FGF10: variants seen among roughly 807,000 people sequenced by gnomAD.
The protein encoded by FGF10 is FGF-10.
In FGF10, 2 loss-of-function variants were observed where a neutral mutation model predicts 19.8. That is an observed-to-expected ratio of 0.10 (90% confidence interval 0.04 to 0.32). The LOEUF is 0.32. FGF10 is among the 10% of genes least tolerant of loss of function. The pLI is 1.00. For missense variants in FGF10, 191 were observed against 246.3 expected (o/e 0.78, Z 1.50); for synonymous variants, 112 against 94.0 (o/e 1.19, Z -1.10).
At chr5:44,383,666 G>A (rs1471371806) in intron 1 of FGF10, among the ~76,000 whole-genome samples, 1 of 152,004 alleles carries the variant, frequency 6.6e-6, no homozygotes, top group African/African-American at 2.4e-5. Context: ...TCAAAGTGGA[G>A]GGTCCATATG....
chr5:44,316,260 G>A (rs1480896100), intron 1 of FGF10, among the ~76,000 whole-genome samples: 2 of 152,084 alleles, frequency 1.3e-5, no homozygotes, highest in Non-Finnish European at 2.9e-5. Flanking sequence ...TGTCTTCCAC[G>A]AAACCAGTCT....
chr5:44,389,123 AT>A lies in FGF10; in HGVS notation c.-442del. 2.8e-5 allele frequency: 8 copies of A among 287,816 alleles called. No homozygotes were observed. The highest frequency in any genetic ancestry group is 1.9e-4 in the South Asian group (5 of 26,424). The allele number at this position is 287,816 out of a possible 1,614,324, so 17.8% of individuals were successfully genotyped here. ...GGTGGGGTGGGGAATAGGGGGAGATATCTGCACCCCTCTGCGGTTGGCACCT... is the reference window on the plus strand; with the variant it reads ...GGTGGGGTGGGGAATAGGGGGAGATACTGCACCCCTCTGCGGTTGGCACCT... On this transcript the variant is annotated 5_prime_UTR_variant, in exon 1 of 3. Transcript: ENST00000264664.
At position 44,388,765 on chromosome 5, in the gene FGF10, G is replaced by C. The variant is rs1325416698; in HGVS notation, c.-83C>G. ...TAAGACCCGATGCAAGGCAAGGAGA[G>C]AGCTCGAGGTGGTGGCTGCTGGTTA... On this transcript the variant is annotated 5_prime_UTR_variant, in exon 1 of 3. Transcript: ENST00000264664. 3 of 1,441,410 alleles carry C rather than the reference G, an allele frequency of 2.1e-6. No individual in the cohort carries two copies. The highest frequency in any genetic ancestry group is 1.8e-5 in the Admixed American group (1 of 55,102). 89.3% of individuals were successfully genotyped at this position (1,441,410 alleles called of 1,614,324 possible).
chr5:44,331,250 T>C (rs1443315856), intron 1 of FGF10, among the ~76,000 whole-genome samples: 8 of 152,162 alleles, frequency 5.3e-5, no homozygotes, highest in Non-Finnish European at 1.2e-4. Context: ...AGCTCCTTTT[T>C]TCTGGGGCCA....
At chr5:44,349,451 T>G (rs866497882) in intron 1 of FGF10, among the ~76,000 whole-genome samples, 1 of 16,694 alleles carries the variant, frequency 6.0e-5, no homozygotes, top group African/African-American at 1.5e-4. Context: ...TATATATATA[T>G]ATATATATAT....
At chr5:44,311,368 C>A (rs1241229211) in intron 1 of FGF10, among the ~76,000 whole-genome samples, 1 of 151,988 alleles carries the variant, frequency 6.6e-6, no homozygotes, top group African/African-American at 2.4e-5. Context: ...TTTAAGAAGA[C>A]CTAGGGAACT....
At chr5:44,328,331 A>G (rs899343761) in intron 1 of FGF10, among the ~76,000 whole-genome samples, 14 of 152,214 alleles carry the variant, frequency 9.2e-5, no homozygotes, top group Admixed American at 5.2e-4. Context: ...ACATAAAAAC[A>G]TATAACCAGT....
intron 2 of FGF10, among the ~76,000 whole-genome samples, chr5:44,310,075 C>T (rs1740173485): frequency 6.6e-6 from 1 of 152,122 alleles, no homozygotes; most frequent in African/African-American, 2.4e-5. Context: ...ACATGGGTTT[C>T]TACTCAATTC....
At chr5:44,344,500 T>C (rs1741038331) in intron 1 of FGF10, among the ~76,000 whole-genome samples, 1 of 151,274 alleles carries the variant, frequency 6.6e-6, no homozygotes, top group Admixed American at 6.6e-5. Flanking sequence ...AGATGAGTTA[T>C]AGTTGGGGCA....
At position 44,301,352 on chromosome 5, in the gene FGF10, C is replaced by T. The variant is rs936008272; in HGVS notation, c.*3643G>A. Among the ~76,000 whole-genome samples the T allele has an allele frequency of 1.3e-5, 2 of 152,120 alleles. No homozygotes were observed. Among genetic ancestry groups the T allele is most frequent in the Admixed American group, 6.6e-5 (1 of 15,254 alleles). On this transcript the variant is annotated 3_prime_UTR_variant, in exon 3 of 3. Transcript: ENST00000264664. ...TTTTACTTCACTGAATAATCACAAA[C>T]CTTGAATTGGCAGCATCCAAATTAT...
chr5:44,386,854 A>C (rs1742109316), intron 1 of FGF10, among the ~76,000 whole-genome samples: 1 of 152,228 alleles, frequency 6.6e-6, no homozygotes, highest in Non-Finnish European at 1.5e-5. Flanking sequence ...ACAGAAGAAA[A>C]CTAAATTCTT....
At chr5:44,376,218 C>A (rs1430575860) in intron 1 of FGF10, among the ~76,000 whole-genome samples, 1 of 151,848 alleles carries the variant, frequency 6.6e-6, no homozygotes, top group African/African-American at 2.4e-5. Context: ...TTAAAAGATG[C>A]AGAGACCAAG....
intron 1 of FGF10, among the ~76,000 whole-genome samples, chr5:44,350,646 G>A (rs1235399742): frequency 6.7e-5 from 10 of 150,186 alleles, no homozygotes; most frequent in Admixed American, 4.0e-4. Context: ...ATATATTATT[G>A]CTGTGTATTA....
intron 1 of FGF10, among the ~76,000 whole-genome samples, chr5:44,353,807 C>T (rs948460165): frequency 6.0e-5 from 9 of 150,772 alleles, no homozygotes; most frequent in East Asian, 2.0e-4. Flanking sequence ...AGCTGGGGGG[C>T]GGGGGCTCTT....
intron 1 of FGF10, among the ~76,000 whole-genome samples, chr5:44,365,655 G>A (rs574994119): frequency 6.6e-6 from 1 of 151,962 alleles, no homozygotes; most frequent in Non-Finnish European, 1.5e-5. Context: ...TGTCATCCCA[G>A]TCTCAGGTCC....
chr5:44,328,249 T>C (rs1173390990), intron 1 of FGF10, among the ~76,000 whole-genome samples: 4 of 152,164 alleles, frequency 2.6e-5, no homozygotes, highest in African/African-American at 9.6e-5. Flanking sequence ...GAGATATTTT[T>C]GCCTTTGAAA....
rs551431635 is a variant in FGF10 at position 44,357,004 on chromosome 5, G to C, written c.325+31354C>G. 9.3e-5 allele frequency among the ~76,000 whole-genome samples: 14 copies of C among 151,102 alleles called. No homozygotes were observed. The South Asian group carries it at 2.9e-3, about 32-fold the overall frequency. ...AAAATCTAATGTTTCACTTCTTTCTGCTTCAACTGCCAAAACTGTTTGAAA... is the reference window on the plus strand; with the variant it reads ...AAAATCTAATGTTTCACTTCTTTCTCCTTCAACTGCCAAAACTGTTTGAAA... On this transcript the variant is annotated intron_variant, in intron 1 of 2. Transcript: ENST00000264664.
At chr5:44,338,855 G>C (rs1305381702) in intron 1 of FGF10, among the ~76,000 whole-genome samples, 2 of 152,178 alleles carry the variant, frequency 1.3e-5, no homozygotes, top group African/African-American at 4.8e-5. Context: ...AATGTAAGAA[G>C]ATAACAGAGA....
chr5:44,370,213 T>C (rs1741713206), intron 1 of FGF10, among the ~76,000 whole-genome samples: 1 of 152,156 alleles, frequency 6.6e-6, no homozygotes, highest in Non-Finnish European at 1.5e-5. Context: ...GTTTTCTAAA[T>C]GCTCATTAGA....
Sources: allele counts gnomAD v4.1 joint callset (sites outside exome capture counted in the v4.1 genomes callset), GRCh38; gene constraint gnomAD v4.1.1; transcripts MANE v1.5; gene names NCBI Gene and HGNC (gene_info 2026-07-23, HGNC 2026-07-21).